Variants in ENKUR observed in about 807,000 individuals in gnomAD.
ENKUR encodes the protein enkurin.
In ENKUR, 19 loss-of-function variants were observed where a neutral mutation model predicts 27.6. That is an observed-to-expected ratio of 0.69 (90% CI 0.48 to 1.01). The LOEUF (loss-of-function observed/expected upper bound fraction) is 1.01. Ranked by LOEUF, ENKUR falls within the 50% of genes least tolerant of loss-of-function variation. The pLI is 0.00. For synonymous variants in ENKUR, 117 were observed against 96.9 expected, an observed-to-expected ratio of 1.21 and a Z score of -1.22; for missense variants, 312 against 310.5, an observed-to-expected ratio of 1.00 and a Z score of -0.04.
chr10:25,042,673 G>A (rs1293975276), intron 2 of ENKUR, among the ~76,000 whole-genome samples: 2 of 151,926 alleles, frequency 1.3e-5, no homozygotes, highest in South Asian at 2.1e-4. Flanking sequence ...ATTAAGAAAT[G>A]ACCTGAAAAC....
chr10:25,010,023 T>A (rs1850405067), intron 1 of ENKUR, among the ~76,000 whole-genome samples: 1 of 152,056 alleles, frequency 6.6e-6, no homozygotes, highest in Non-Finnish European at 1.5e-5. Flanking sequence ...TACCCAAAAA[T>A]GTGAAAGCGA....
chr10:25,061,033 G>T, intron 2 of ENKUR: 3 of 1,377,494 alleles, frequency 2.2e-6, no homozygotes, highest in South Asian at 1.2e-5. Context: ...CTTTAGATGA[G>T]ACAAGGATAT....
At chr10:25,024,872 A>C in intron 2 of ENKUR, 1 of 1,614,044 alleles carries the variant, frequency 6.2e-7, no homozygotes, top group South Asian at 1.1e-5. Context: ...GGACATTATG[A>C]TCTAAGGGAA....
chr10:25,057,299 A>G (rs909325765), intron 2 of ENKUR, among the ~76,000 whole-genome samples: 7 of 152,032 alleles, frequency 4.6e-5, no homozygotes, highest in Non-Finnish European at 1.0e-4. Context: ...AAATAAAAAA[A>G]CAGTGATGCC....
intron 4 of ENKUR, among the ~76,000 whole-genome samples, chr10:24,990,225 A>G (rs893290170): frequency 2.6e-5 from 4 of 152,222 alleles, no homozygotes; most frequent in African/African-American, 9.6e-5. Flanking sequence ...ACACTAGTTC[A>G]GGAAAAAAAC....
intron 2 of ENKUR, among the ~76,000 whole-genome samples, chr10:25,059,428 A>T (rs1214935453): frequency 6.6e-6 from 1 of 152,084 alleles, no homozygotes; most frequent in East Asian, 1.9e-4. Context: ...CACTGCACCC[A>T]GCCTTGTCCT....
chr10:25,057,261 G>A (rs550587888), intron 2 of ENKUR, among the ~76,000 whole-genome samples: 1 of 152,194 alleles, frequency 6.6e-6, no homozygotes, highest in Non-Finnish European at 1.5e-5. Context: ...AAGGGAAGGG[G>A]AATGGGAGTG....
At chr10:25,027,376 A>C (rs942175567) in intron 2 of ENKUR, among the ~76,000 whole-genome samples, 8 of 145,898 alleles carry the variant, frequency 5.5e-5, no homozygotes, top group Non-Finnish European at 4.5e-5. Flanking sequence ...AAAAAAAAAA[A>C]AAAAAAAAAA....
chr10:25,005,664 A>C (rs1417108489), intron 1 of ENKUR, among the ~76,000 whole-genome samples: 1 of 152,222 alleles, frequency 6.6e-6, no homozygotes. Context: ...CCACCTACAG[A>C]CTTGAAATGA....
At chr10:25,053,021 G>A (rs1294290108) in intron 2 of ENKUR, among the ~76,000 whole-genome samples, 7 of 150,288 alleles carry the variant, frequency 4.7e-5, no homozygotes, top group East Asian at 2.0e-4. Context: ...CATCCACCTC[G>A]GCCTCCCAAA....
upstream of ENKUR, among the ~76,000 whole-genome samples, chr10:25,019,567 TTGTATTA>T (rs1850677476): frequency 6.6e-6 from 1 of 152,234 alleles, no homozygotes; most frequent in Non-Finnish European, 1.5e-5. Context: ...AGCATTTGCA[TTGTATTA>T]TGTATTATAA....
chr10:24,990,248 T>G (rs1313151955), intron 4 of ENKUR, among the ~76,000 whole-genome samples: 1 of 152,202 alleles, frequency 6.6e-6, no homozygotes, highest in Admixed American at 6.5e-5. Flanking sequence ...TTCACCAAAT[T>G]GGAAATAAAA....
intron 2 of ENKUR, among the ~76,000 whole-genome samples, chr10:25,027,465 A>G (rs996419163): frequency 6.9e-6 from 1 of 145,650 alleles, no homozygotes; most frequent in Non-Finnish European, 1.5e-5. Flanking sequence ...TGAACCTGGG[A>G]GATGCAGGTT....
chr10:25,015,965 T>A lies in ENKUR; in HGVS notation c.-29A>T, dbSNP rs1405151144. The A allele has an allele frequency of 6.3e-7, 1 of 1,592,086 alleles. No homozygotes were observed. The highest frequency in any genetic ancestry group is 1.8e-5 in the Admixed American group (1 of 56,080). On this transcript the variant is annotated 5_prime_UTR_variant, in exon 1 of 6. Coordinates refer to ENST00000331161, the MANE Select transcript of ENKUR (RefSeq NM_145010.4). ...CACCAAATGACTCCTTAAAAGCTAC[T>A]CTCCACAACTTTTTTCTCCCTGTCC...
rs147830107 is a variant in ENKUR at position 25,052,314 on chromosome 10, A to G, written c.37+8798T>C. Among the ~76,000 whole-genome samples, 1,059 of 152,354 alleles carry G rather than the reference A, an allele frequency of 7.0e-3. 15 individuals carry two copies. Among genetic ancestry groups the G allele is most frequent in the African/African-American group, 0.025 (1,023 of 41,582 alleles). On this transcript the variant is annotated intron_variant, in intron 2 of 5. Coordinates refer to the ENKUR transcript ENST00000615958. Reference sequence around the variant, plus strand: ...TAAAGGCTGCATTTTATGGATCATGATAAGAGGTGGCCTTATTCGGGCCTT... The same window carrying G: ...TAAAGGCTGCATTTTATGGATCATGGTAAGAGGTGGCCTTATTCGGGCCTT...
chr10:25,033,510 T>C (rs551300740), intron 2 of ENKUR, among the ~76,000 whole-genome samples: 4 of 151,762 alleles, frequency 2.6e-5, no homozygotes, highest in Non-Finnish European at 5.9e-5. Flanking sequence ...CAATTAATCC[T>C]ACATTAGGGA....
At chr10:24,997,170 T>C (rs934889118) in intron 2 of ENKUR, among the ~76,000 whole-genome samples, 5 of 152,100 alleles carry the variant, frequency 3.3e-5, no homozygotes, top group Non-Finnish European at 5.9e-5. Context: ...GCTTTCATCA[T>C]GCCTGTGAAT....
chr10:25,045,466 A>G (rs1226067824), intron 2 of ENKUR, among the ~76,000 whole-genome samples: 1 of 152,210 alleles, frequency 6.6e-6, no homozygotes, highest in Non-Finnish European at 1.5e-5. Flanking sequence ...AAAAAAGAGG[A>G]ATTCTCCAAG....
intron 2 of ENKUR, among the ~76,000 whole-genome samples, chr10:25,046,262 T>G (rs982838714): frequency 1.3e-5 from 2 of 152,190 alleles, no homozygotes; most frequent in Non-Finnish European, 2.9e-5. Flanking sequence ...AATGAGCTAT[T>G]AAATGCTACG....
Sources: gnomAD v4.1 joint callset for allele counts (sites outside exome capture counted in the v4.1 genomes callset) on GRCh38, gnomAD v4.1.1 for gene constraint, MANE v1.5 for transcripts, NCBI Gene and HGNC (gene_info 2026-07-23, HGNC 2026-07-21) for gene names.